The following IL1RAPL1 variants were observed in gnomAD, a reference collection of about 807,000 sequenced individuals.
IL1RAPL1 encodes the protein interleukin-1 receptor accessory protein-like 1.
Under a neutral mutation model 48.4 loss-of-function variants are expected in IL1RAPL1, and 3 were observed. The ratio of observed to expected loss-of-function variants is 0.06; its 90% CI spans 0.03 to 0.16. IL1RAPL1 has a LOEUF of 0.16. IL1RAPL1 is among the 10% of genes least tolerant of loss of function. The probability of loss-of-function intolerance (pLI) is 1.00; values close to 1 mark genes in which losing one functional copy is unlikely to be tolerated. For synonymous variants in IL1RAPL1, 185 were observed against 187.7 expected (o/e 0.99, Z 0.12); for missense variants, 349 against 530.6 (o/e 0.66, Z 3.36).
intron 8 of IL1RAPL1, among the ~76,000 whole-genome samples, chrX:29,938,943 T>G (rs1477241324): frequency 8.9e-6 from 1 of 112,483 alleles, no homozygotes; most frequent in African/African-American, 3.2e-5. Flanking sequence ...GTATATTCTA[T>G]CATATGAACA....
intron 1 of IL1RAPL1, among the ~76,000 whole-genome samples, chrX:28,744,587 C>A (rs1366727654): frequency 1.8e-5 from 2 of 111,461 alleles, no homozygotes; most frequent in African/African-American, 3.3e-5. Flanking sequence ...TGTCTATACT[C>A]AAAATGCCAA....
chrX:29,187,688 CAAG>C (rs1201100624), intron 2 of IL1RAPL1, among the ~76,000 whole-genome samples: 1 of 111,473 alleles, frequency 9.0e-6, no homozygotes. Flanking sequence ...GTGAGCAATT[CAAG>C]AAGAATTTTC....
intron 1 of IL1RAPL1, among the ~76,000 whole-genome samples, chrX:28,607,744 A>C: frequency 9.1e-6 from 1 of 110,492 alleles, no homozygotes; most frequent in Non-Finnish European, 1.9e-5. Context: ...CTATTTCAGA[A>C]TAGTTACTGG....
chrX:29,923,418 G>C (rs762439490), intron 8 of IL1RAPL1, among the ~76,000 whole-genome samples: 5 of 111,999 alleles, frequency 4.5e-5, no homozygotes, highest in African/African-American at 1.6e-4. Flanking sequence ...TGCAGCAAGA[G>C]AAAGACAGAG....
chrX:29,792,371 A>G (rs1929656501), intron 6 of IL1RAPL1, among the ~76,000 whole-genome samples: 1 of 112,006 alleles, frequency 8.9e-6, no homozygotes, highest in South Asian at 3.7e-4. Context: ...AAATTAAACA[A>G]CAGAAATTTA....
chrX:29,764,767 CT>C (rs1196049624), intron 6 of IL1RAPL1, among the ~76,000 whole-genome samples: 5 of 112,256 alleles, frequency 4.5e-5, no homozygotes, highest in African/African-American at 1.6e-4. Flanking sequence ...CTGCTCTGAG[CT>C]GGACCCAATG....
chrX:29,860,180 C>T (rs1043761220), intron 6 of IL1RAPL1, among the ~76,000 whole-genome samples: 2 of 111,416 alleles, frequency 1.8e-5, no homozygotes, highest in Non-Finnish European at 3.8e-5. Context: ...TGCTTAAGAA[C>T]CTGCTAGGAA....
intron 2 of IL1RAPL1, among the ~76,000 whole-genome samples, chrX:28,906,957 A>AT (rs1324043729): frequency 3.6e-5 from 4 of 112,019 alleles, no homozygotes; most frequent in Non-Finnish European, 5.6e-5. Flanking sequence ...AATGCATATT[A>AT]TTTTTTATGT....
chrX:28,899,323 A>G (rs1923015629), intron 2 of IL1RAPL1, among the ~76,000 whole-genome samples: 1 of 111,162 alleles, frequency 9.0e-6, no homozygotes, highest in Non-Finnish European at 1.9e-5. Flanking sequence ...TCACCAGGCT[A>G]ATTTTTGTAT....
rs1555915442 is a variant in IL1RAPL1 at position 28,704,843 on chromosome X, A to AAAAAAC, written c.-24-84472_-24-84471insCAAAAA. Among the ~76,000 whole-genome samples, 14 of 106,049 alleles carry AAAAAAC rather than the reference A, an allele frequency of 1.3e-4. 2 individuals are homozygous for AAAAAAC. Among genetic ancestry groups the AAAAAAC allele is most frequent in the African/African-American group, 4.2e-4 (12 of 28,813 alleles). The allele number at this position is 106,049 out of a possible 115,157, so 92.1% of individuals were successfully genotyped here. On this transcript the variant is annotated intron_variant, in intron 1 of 10. Transcript: ENST00000378993. ...ACACACACACACACAAAAAAAAAAA[A>AAAAAAC]AAAAAACTGTGACTGGAGCATGACA...
chrX:29,664,610 A>G lies in IL1RAPL1; in HGVS notation c.704-3820A>G, dbSNP rs989043072. On this transcript the variant is annotated intron_variant, in intron 5 of 10. Transcript: ENST00000378993. Reference sequence around the variant, plus strand: ...TTGTTCAACAGAGAAAGATACATGTATTATAGACACCTCACATTTCTCTCC... The same window carrying G: ...TTGTTCAACAGAGAAAGATACATGTGTTATAGACACCTCACATTTCTCTCC... Among the ~76,000 whole-genome samples, 4 of 111,644 alleles carry G rather than the reference A, an allele frequency of 3.6e-5. No individual in the cohort carries two copies. The Admixed American group carries it at 3.8e-4, about 11-fold the overall frequency.
intron 3 of IL1RAPL1, among the ~76,000 whole-genome samples, chrX:29,306,473 A>G (rs1402341152): frequency 2.1e-5 from 2 of 95,661 alleles, no homozygotes; most frequent in African/African-American, 7.8e-5. Context: ...AGGTTGCAGC[A>G]AGCCAAGATC....
At chrX:28,713,232 A>T (rs1215341128) in intron 1 of IL1RAPL1, among the ~76,000 whole-genome samples, 2 of 107,999 alleles carry the variant, frequency 1.9e-5, no homozygotes, top group East Asian at 5.9e-4. Context: ...TTTTTTTTGT[A>T]TTTTCAGTAG....
intron 1 of IL1RAPL1, among the ~76,000 whole-genome samples, chrX:28,761,727 AC>A (rs1308283472): frequency 9.0e-6 from 1 of 111,728 alleles, no homozygotes; most frequent in Non-Finnish European, 1.9e-5. Flanking sequence ...TTGCACATGT[AC>A]CCCCGAATCT....
chrX:28,588,973 G>T (rs1245560707), intron 1 of IL1RAPL1, among the ~76,000 whole-genome samples: 1 of 111,759 alleles, frequency 8.9e-6, no homozygotes. Flanking sequence ...TGTCCTGTCT[G>T]CTACATCTAT....
intron 1 of IL1RAPL1, among the ~76,000 whole-genome samples, chrX:28,621,351 CT>C (rs960706147): frequency 5.4e-5 from 6 of 111,141 alleles, no homozygotes; most frequent in Non-Finnish European, 9.4e-5. Context: ...ATTTCTTGGC[CT>C]TTTTTTACTG....
At chrX:28,647,736 A>T (rs1425007580) in intron 1 of IL1RAPL1, among the ~76,000 whole-genome samples, 1 of 111,677 alleles carries the variant, frequency 9.0e-6, no homozygotes, top group African/African-American at 3.3e-5. Flanking sequence ...TTTTGAAATG[A>T]GTTGTGACAA....
At position 29,766,342 on chromosome X, in the gene IL1RAPL1, AAT is replaced by A. The variant is rs1555918100; in HGVS notation, c.778+97858_778+97859del. Among the ~76,000 whole-genome samples, 358 of 47,434 alleles carry A rather than the reference AAT, an allele frequency of 7.5e-3. 6 individuals are homozygous for A. Among genetic ancestry groups the A allele is most frequent in the Non-Finnish European group, 9.7e-3 (263 of 27,182 alleles). 41.2% of individuals were successfully genotyped at this position (47,434 alleles called of 115,157 possible). On this transcript the variant is annotated intron_variant, in intron 6 of 10. Coordinates refer to ENST00000378993, the MANE Select transcript of IL1RAPL1 (RefSeq NM_014271.4). ...GACTCCGTCTCAAAAAAAAAAAAAA[AAT>A]ATATATATATATATATATAGATAGA...
intron 5 of IL1RAPL1, among the ~76,000 whole-genome samples, chrX:29,474,641 G>A (rs909605146): frequency 9.0e-6 from 1 of 111,586 alleles, no homozygotes; most frequent in Admixed American, 9.5e-5. Context: ...GGTCAGAGAG[G>A]GAATAAGAGA....
Sources: allele counts gnomAD v4.1 joint callset (sites outside exome capture counted in the v4.1 genomes callset), GRCh38; gene constraint gnomAD v4.1.1; transcripts MANE v1.5; gene names NCBI Gene and HGNC (gene_info 2026-07-23, HGNC 2026-07-21).